The following ARHGAP32 variants were observed in gnomAD, a reference collection of about 807,000 sequenced individuals.
ARHGAP32 encodes rho GTPase-activating protein 32.
Under a neutral mutation model 186.5 loss-of-function variants are expected in ARHGAP32, and 51 were observed. The observed-to-expected ratio is 0.27, with a 90% confidence interval of 0.22 to 0.35. The LOEUF is 0.35. Among genes scored for constraint, ARHGAP32 ranks in the 10% least tolerant of loss-of-function variants. The pLI is 1.00. For synonymous variants in ARHGAP32, 950 were observed against 964.3 expected, an observed-to-expected ratio of 0.99 and a Z score of 0.27; for missense variants, 2,186 against 2,623.5, an observed-to-expected ratio of 0.83 and a Z score of 3.64.
intron 11 of ARHGAP32, among the ~76,000 whole-genome samples, chr11:129,016,460 T>G (rs1226184471): frequency 2.6e-5 from 4 of 152,204 alleles, no homozygotes; most frequent in Admixed American, 2.6e-4. Context: ...AGATATATAC[T>G]TTTTTCCATA....
intron 12 of ARHGAP32, among the ~76,000 whole-genome samples, chr11:128,995,130 A>C (rs1946162677): frequency 6.6e-6 from 1 of 152,176 alleles, no homozygotes; most frequent in African/African-American, 2.4e-5. Context: ...CATATCACCT[A>C]AGTATCCAGA....
chr11:129,261,835 C>G (rs182332224), intron 1 of ARHGAP32, among the ~76,000 whole-genome samples: 1 of 151,950 alleles, frequency 6.6e-6, no homozygotes, highest in Non-Finnish European at 1.5e-5. Flanking sequence ...AAAAGGAAAC[C>G]AAAACATATT....
chr11:128,978,487 TACA>T (rs921323662), intron 19 of ARHGAP32, among the ~76,000 whole-genome samples: 13 of 152,316 alleles, frequency 8.5e-5, no homozygotes, highest in African/African-American at 2.9e-4. Flanking sequence ...AGTATTTATT[TACA>T]ACAATATACA....
At chr11:129,221,411 T>C (rs1192112455) in intron 1 of ARHGAP32, among the ~76,000 whole-genome samples, 1 of 151,708 alleles carries the variant, frequency 6.6e-6, no homozygotes, top group Non-Finnish European at 1.5e-5. Flanking sequence ...TGGGCTGAAA[T>C]ATGCATTTTA....
chr11:129,216,327 T>C (rs1383547474), intron 1 of ARHGAP32, among the ~76,000 whole-genome samples: 1 of 152,170 alleles, frequency 6.6e-6, no homozygotes, highest in African/African-American at 2.4e-5. Context: ...TATATTTTGA[T>C]ATTCTTTTTC....
chr11:129,174,644 G>A (rs915407810), intron 1 of ARHGAP32, among the ~76,000 whole-genome samples: 6 of 152,058 alleles, frequency 3.9e-5, no homozygotes, highest in East Asian at 1.9e-4. Context: ...CCTGACCCCC[G>A]AGCAGCCTAA....
At chr11:129,062,409 A>G in intron 9 of ARHGAP32, 52 bp from the exon 10 acceptor site, 1 of 1,433,922 alleles carries the variant, frequency 7.0e-7, no homozygotes, top group African/African-American at 1.4e-5. Context: ...TTTTAAACCA[A>G]TTGTTATACC....
chr11:129,243,560 A>G (rs1945048708), intron 1 of ARHGAP32, among the ~76,000 whole-genome samples: 1 of 152,198 alleles, frequency 6.6e-6, no homozygotes, highest in African/African-American at 2.4e-5. Flanking sequence ...TCTTCCTAAA[A>G]CATAGTTCTC....
At chr11:129,070,641 G>A (rs1940838608) in intron 6 of ARHGAP32, among the ~76,000 whole-genome samples, 1 of 151,918 alleles carries the variant, frequency 6.6e-6, no homozygotes, top group African/African-American at 2.4e-5. Flanking sequence ...GCAGAAACTG[G>A]GTTAAGGGTA....
At chr11:129,046,611 C>T (rs1257850013) in intron 10 of ARHGAP32, among the ~76,000 whole-genome samples, 1 of 152,074 alleles carries the variant, frequency 6.6e-6, no homozygotes, top group Non-Finnish European at 1.5e-5. Context: ...AAAGAAAACC[C>T]GGTTTGGCTT....
intron 1 of ARHGAP32, among the ~76,000 whole-genome samples, chr11:129,178,500 A>G (rs1943972689): frequency 6.6e-6 from 1 of 152,190 alleles, no homozygotes; most frequent in Non-Finnish European, 1.5e-5. Context: ...TCCTAAGCCA[A>G]AAGAACAAAG....
At chr11:129,180,358 C>T (rs1944029565) in intron 1 of ARHGAP32, among the ~76,000 whole-genome samples, 2 of 152,152 alleles carry the variant, frequency 1.3e-5, no homozygotes, top group Admixed American at 6.5e-5. Context: ...GAAGTACTGA[C>T]TAGAAGGGAC....
chr11:129,198,981 C>T (rs900041209), intron 1 of ARHGAP32, among the ~76,000 whole-genome samples: 2 of 152,080 alleles, frequency 1.3e-5, no homozygotes, highest in Non-Finnish European at 2.9e-5. Context: ...TTGTTGGGAA[C>T]CAGAGTAAAG....
intron 6 of ARHGAP32, among the ~76,000 whole-genome samples, chr11:129,076,671 T>TGAAA (rs1941053423): frequency 6.6e-6 from 1 of 152,158 alleles, no homozygotes; most frequent in South Asian, 2.1e-4. Flanking sequence ...TGGGAGGCAG[T>TGAAA]GAAAGCAGTG....
At chr11:128,977,508 GCTT>G (rs1208590707) in intron 19 of ARHGAP32, among the ~76,000 whole-genome samples, 1 of 151,840 alleles carries the variant, frequency 6.6e-6, no homozygotes, top group Non-Finnish European at 1.5e-5. Context: ...CCCTCAGCTG[GCTT>G]CTTTTCACTC....
intron 10 of ARHGAP32, among the ~76,000 whole-genome samples, chr11:129,045,861 C>T (rs511396): frequency 0.64 from 97,105 of 151,766 alleles, 31,390 homozygotes; most frequent in Middle Eastern, 0.71. Context: ...GGGCCCATGA[C>T]GGTAAAGAAG....
chr11:129,036,980 G>A lies in ARHGAP32; in HGVS notation c.1045+3948C>T, dbSNP rs117312982. ...TAGAAAATCCCAAGGAATCCACTAT[G>A]AAACTATTAGAACTAATAAACAGTT... On this transcript the variant is annotated intron_variant, in intron 11 of 22. Transcript: ENST00000682385. Among the ~76,000 whole-genome samples the A allele has an allele frequency of 3.9e-4, 60 of 152,272 alleles. No individual in the cohort carries two copies. In the East Asian group the frequency reaches 9.5e-3, roughly 24 times the overall value.
chr11:129,234,890 A>T (rs1944908140), intron 1 of ARHGAP32, among the ~76,000 whole-genome samples: 1 of 152,126 alleles, frequency 6.6e-6, no homozygotes, highest in South Asian at 2.1e-4. Flanking sequence ...CCATTCCCTT[A>T]GTTTACCAGG....
At chr11:129,034,728 CAAAAAAA>C (rs767897442) in intron 11 of ARHGAP32, among the ~76,000 whole-genome samples, 5 of 72,564 alleles carry the variant, frequency 6.9e-5, no homozygotes, top group Non-Finnish European at 1.2e-4. Context: ...AAACTGAAAA[CAAAAAAA>C]AAAAAAAAAG....
Sources: allele counts gnomAD v4.1 joint callset (sites outside exome capture counted in the v4.1 genomes callset), GRCh38; gene constraint gnomAD v4.1.1; transcripts MANE v1.5; gene names NCBI Gene and HGNC (gene_info 2026-07-23, HGNC 2026-07-21).